Variants in DCC observed in about 807,000 individuals in gnomAD.
The protein encoded by DCC is netrin receptor DCC.
In DCC, 58 loss-of-function variants were observed where a neutral mutation model predicts 172.5. That is an observed-to-expected ratio of 0.34 (90% CI 0.27 to 0.42). The LOEUF (loss-of-function observed/expected upper bound fraction) is 0.42. Ranked by LOEUF, DCC falls within the 10% of genes least tolerant of loss-of-function variation. DCC has a pLI of 1.00. For synonymous variants in DCC, 709 were observed against 644.5 expected (o/e 1.10, Z -1.52); for missense variants, 1,740 against 1,791.0 (o/e 0.97, Z 0.51).
At chr18:53,069,279 C>A (rs535373042) in intron 7 of DCC, among the ~76,000 whole-genome samples, 1 of 152,318 alleles carries the variant, frequency 6.6e-6, no homozygotes, top group Admixed American at 6.5e-5. Context: ...TTCGCCTCCA[C>A]ACTGGCTGGA....
At chr18:53,252,861 G>A (rs906011091) in intron 12 of DCC, among the ~76,000 whole-genome samples, 2 of 151,926 alleles carry the variant, frequency 1.3e-5, no homozygotes, top group Non-Finnish European at 2.9e-5. Flanking sequence ...GTTTGCATTT[G>A]TATAATATAT....
intron 2 of DCC, among the ~76,000 whole-genome samples, chr18:52,879,189 A>T (rs994682062): frequency 6.6e-6 from 1 of 152,168 alleles, no homozygotes; most frequent in African/African-American, 2.4e-5. Context: ...GCTCTTTCAT[A>T]AACCTTTGCT....
chr18:53,090,698 CAAAAAAAAAAAAAAA>C lies in DCC; in HGVS notation c.1261+24554_1261+24568del, dbSNP rs59898050. Among the ~76,000 whole-genome samples, 42 of 39,364 alleles carry C rather than the reference CAAAAAAAAAAAAAAA, an allele frequency of 1.1e-3. 1 individual carries two copies. The highest frequency in any genetic ancestry group is 2.2e-3 in the African/African-American group (28 of 12,464). 25.8% of individuals were successfully genotyped at this position (39,364 alleles called of 152,430 possible). On this transcript the variant is annotated intron_variant, in intron 7 of 28. Coordinates refer to ENST00000442544, the MANE Select transcript of DCC (RefSeq NM_005215.4). ...GACAGAGCGAAACTCCGTCCCCCAA[CAAAAAAAAAAAAAAA>C]AAAAAAAAAAAAAAAAAAAAAGAAT...
intron 5 of DCC, among the ~76,000 whole-genome samples, chr18:52,952,492 T>C (rs1036188046): frequency 2.0e-5 from 3 of 152,196 alleles, no homozygotes; most frequent in Non-Finnish European, 4.4e-5. Context: ...GATGATTACA[T>C]AAAATAGGGT....
chr18:53,387,370 A>G (rs1396524379), intron 16 of DCC, among the ~76,000 whole-genome samples: 1 of 152,192 alleles, frequency 6.6e-6, no homozygotes, highest in Non-Finnish European at 1.5e-5. Context: ...GTCTCTTTGA[A>G]TCTTTGACCA....
intron 1 of DCC, among the ~76,000 whole-genome samples, chr18:52,622,693 A>G (rs1183889798): frequency 2.0e-5 from 3 of 152,192 alleles, no homozygotes; most frequent in African/African-American, 7.2e-5. Context: ...CCACTTATCC[A>G]GGTTTCAACT....
chr18:52,610,241 G>A (rs2034246416), intron 1 of DCC, among the ~76,000 whole-genome samples: 1 of 105,686 alleles, frequency 9.5e-6, no homozygotes, highest in Non-Finnish European at 1.8e-5. Flanking sequence ...TTAGCCAGAT[G>A]TGGTGGCAGG....
chr18:52,610,994 C>T (rs1454741654), intron 1 of DCC, among the ~76,000 whole-genome samples: 1 of 152,032 alleles, frequency 6.6e-6, no homozygotes, highest in East Asian at 1.9e-4. Context: ...AGAATTTTCC[C>T]CTTTTGACAG....
chr18:52,925,143 T>G, intron 4 of DCC, 91 bp from the exon 5 acceptor site: 5 of 1,274,896 alleles, frequency 3.9e-6, no homozygotes, highest in Non-Finnish European at 5.7e-6. Context: ...TGTCTTAATT[T>G]GAGCTTTGGT....
At chr18:52,809,357 CT>C (rs1453457029) in intron 2 of DCC, 1 of 161,806 alleles carries the variant, frequency 6.2e-6, no homozygotes. Context: ...GGCAGCAAGC[CT>C]TTTATTCTCT....
At chr18:52,872,161 A>G (rs573646491) in intron 2 of DCC, among the ~76,000 whole-genome samples, 17 of 152,274 alleles carry the variant, frequency 1.1e-4, no homozygotes, top group Middle Eastern at 3.4e-3. Flanking sequence ...CCGCTCCCCA[A>G]TTGGGTTCAG....
chr18:52,401,475 T>G (rs1053199195), intron 1 of DCC, among the ~76,000 whole-genome samples: 2 of 152,044 alleles, frequency 1.3e-5, no homozygotes, highest in African/African-American at 4.8e-5. Flanking sequence ...GCAAGTCAAC[T>G]GGCAATGCAG....
chr18:53,179,558 T>C (rs1051793006), intron 9 of DCC, among the ~76,000 whole-genome samples: 1 of 152,206 alleles, frequency 6.6e-6, no homozygotes, highest in Non-Finnish European at 1.5e-5. Context: ...CCGCATGCAC[T>C]GAAAAACCTA....
In DCC at chr18:52,676,462, G is replaced by A. The variant is rs193012922; in HGVS notation, c.92-75592G>A. ...AATTGTATCCTCACATGTAAATGAT[G>A]TAAATGACTTGTACCCAAAATATCT... On this transcript the variant is annotated intron_variant, in intron 1 of 28. Coordinates refer to ENST00000442544, the MANE Select transcript of DCC (RefSeq NM_005215.4). Among the ~76,000 whole-genome samples the A allele has an allele frequency of 1.7e-3, 263 of 152,256 alleles. 1 individual carries two copies. The highest frequency in any genetic ancestry group is 3.4e-3 in the Middle Eastern group (1 of 294).
intron 7 of DCC, among the ~76,000 whole-genome samples, chr18:53,070,502 A>G (rs562398361): frequency 6.6e-6 from 1 of 151,974 alleles, no homozygotes; most frequent in Admixed American, 6.6e-5. Context: ...TCTCCCAGGA[A>G]CTCTACAGGT....
intron 1 of DCC, among the ~76,000 whole-genome samples, chr18:52,726,594 T>G (rs879607181): frequency 6.6e-6 from 1 of 152,236 alleles, no homozygotes; most frequent in Non-Finnish European, 1.5e-5. Context: ...AACAATGTTT[T>G]AATTTTATAT....
intron 1 of DCC, among the ~76,000 whole-genome samples, chr18:52,696,305 CT>C (rs1419923328): frequency 6.6e-6 from 1 of 152,152 alleles, no homozygotes; most frequent in African/African-American, 2.4e-5. Context: ...TAAATATGAA[CT>C]TTCCCTCTTC....
At chr18:52,825,094 C>T (rs1199120109) in intron 2 of DCC, among the ~76,000 whole-genome samples, 2 of 152,066 alleles carry the variant, frequency 1.3e-5, no homozygotes, top group Non-Finnish European at 2.9e-5. Flanking sequence ...GAAACCACAC[C>T]AAGCTCTCTG....
At chr18:53,021,749 A>G (rs1355735944) in intron 5 of DCC, among the ~76,000 whole-genome samples, 2 of 152,258 alleles carry the variant, frequency 1.3e-5, no homozygotes, top group African/African-American at 4.8e-5. Context: ...AAAGCACGTC[A>G]CTGTTAATTC....
Sources: allele counts gnomAD v4.1 joint callset (sites outside exome capture counted in the v4.1 genomes callset), GRCh38; gene constraint gnomAD v4.1.1; transcripts MANE v1.5; gene names NCBI Gene and HGNC (gene_info 2026-07-23, HGNC 2026-07-21).